Variants in MTSS1 observed in about 807,000 individuals in gnomAD.
The protein encoded by MTSS1 is MTSS I-BAR domain containing 1.
A neutral mutation model predicts 79.0 loss-of-function variants in MTSS1; 18 were observed. The observed-to-expected ratio is 0.23, with a 90% CI of 0.16 to 0.34. MTSS1 has a LOEUF of 0.34. Among genes scored for constraint, MTSS1 ranks in the 10% least tolerant of loss-of-function variants. The pLI is 1.00. For synonymous variants in MTSS1, 341 were observed against 368.6 expected, an observed-to-expected ratio of 0.93 and a Z score of 0.86; for missense variants, 815 against 986.2, an observed-to-expected ratio of 0.83 and a Z score of 2.33.
At chr8:124,627,503 T>C (rs1397943876) in intron 3 of MTSS1, among the ~76,000 whole-genome samples, 4 of 152,180 alleles carry the variant, frequency 2.6e-5, no homozygotes, top group Admixed American at 6.5e-5. Flanking sequence ...ACTAAGGCTA[T>C]CAGATTTCAA....
At position 124,664,326 on chromosome 8, in the gene MTSS1, C is replaced by T. The variant is rs141170441; in HGVS notation, c.208+35200G>A. On this transcript the variant is annotated intron_variant, in intron 3 of 13. Coordinates refer to ENST00000518547, the MANE Select transcript of MTSS1 (RefSeq NM_014751.6). The stretch of plus-strand genomic sequence containing the variant: ...GTGGCTATCTCCTTCCAGCGAGGCC[C>T]GTCTCTAGATAAATGCTCCTCTACC... 2.8e-3 allele frequency among the ~76,000 whole-genome samples: 434 copies of T among 152,282 alleles called. 4 individuals carry two copies. Among genetic ancestry groups the T allele is most frequent in the African/African-American group, 9.8e-3 (409 of 41,550 alleles).
intron 3 of MTSS1, among the ~76,000 whole-genome samples, chr8:124,672,165 G>A (rs890565433): frequency 6.6e-6 from 1 of 152,172 alleles, no homozygotes; most frequent in Non-Finnish European, 1.5e-5. Flanking sequence ...CAAAGACAGT[G>A]TTAACACATT....
At chr8:124,671,077 G>A (rs991960963) in intron 3 of MTSS1, among the ~76,000 whole-genome samples, 8 of 148,914 alleles carry the variant, frequency 5.4e-5, no homozygotes, top group African/African-American at 7.5e-5. Context: ...GCCTTTGCAT[G>A]CCAATGCCAA....
intron 3 of MTSS1, among the ~76,000 whole-genome samples, chr8:124,646,037 T>TA (rs1219942788): frequency 6.6e-6 from 1 of 152,232 alleles, no homozygotes; most frequent in East Asian, 1.9e-4. Context: ...AAACACACTT[T>TA]AAAAACACTT....
chr8:124,639,034 A>G (rs775830776), intron 3 of MTSS1, among the ~76,000 whole-genome samples: 3 of 152,210 alleles, frequency 2.0e-5, no homozygotes, highest in Non-Finnish European at 4.4e-5. Flanking sequence ...AAGGGGCTAA[A>G]TTAAAAAGGT....
chr8:124,701,414 G>T (rs1038992912), intron 2 of MTSS1, among the ~76,000 whole-genome samples: 1 of 151,964 alleles, frequency 6.6e-6, no homozygotes, highest in African/African-American at 2.4e-5. Context: ...TTTCCAGTAG[G>T]GCAAGAAAAC....
intron 12 of MTSS1, 72 bp downstream of exon 12, chr8:124,556,160 G>A (rs1354938641): frequency 1.2e-6 from 2 of 1,605,668 alleles, no homozygotes; most frequent in Admixed American, 1.7e-5. Context: ...TGGCCCCCCA[G>A]TTGCTGGCCA....
At chr8:124,591,261 G>A (rs758316584) in intron 3 of MTSS1, 26 bp from the exon 4 acceptor site, 2 of 1,594,828 alleles carry the variant, frequency 1.3e-6, no homozygotes, top group Non-Finnish European at 1.7e-6. Context: ...AGGCAAAGGT[G>A]AGGGATAGAA....
At chr8:124,590,145 G>A (rs1416043224) in intron 4 of MTSS1, among the ~76,000 whole-genome samples, 3 of 152,206 alleles carry the variant, frequency 2.0e-5, no homozygotes, top group Admixed American at 6.5e-5. Flanking sequence ...GAGAGCCACC[G>A]CGCCTGGCCC....
Position 124,727,905 on chromosome 8 carries a change from C to A in MTSS1, c.51G>T (p.Gln17His). Residue 17 changes from glutamine (Q) to histidine (H), a missense_variant, in exon 1 of 14, where the codon CAG (glutamine) becomes CAT (histidine). Physicochemically the swap from Gln to His is conservative, Grantham distance 24. Transcript: ENST00000518547. This position sits in a 1 kb window ranked among gnomAD's most constrained non-coding sequence, Gnocchi z 4.7. ...CTACCTTCATGTCGCTGATGATGGT[C>A]TGGAAGAGGCCTCCGAGCGCGCTGC... is the stretch of plus-strand genomic sequence containing the variant. ...KECSALGGLF[Q>H]TIISDMKGSY... The A allele has an allele frequency of 6.2e-7, 1 of 1,609,160 alleles. No individual in the cohort carries two copies. The highest frequency in any genetic ancestry group is 8.5e-7 in the Non-Finnish European group (1 of 1,178,340).
At chr8:124,621,168 G>A (rs915342417) in intron 3 of MTSS1, among the ~76,000 whole-genome samples, 1 of 152,110 alleles carries the variant, frequency 6.6e-6, no homozygotes, top group African/African-American at 2.4e-5. Flanking sequence ...TACTGCGATC[G>A]CCATGACTCT....
intron 1 of MTSS1, among the ~76,000 whole-genome samples, chr8:124,710,242 C>T (rs567664695): frequency 6.6e-6 from 1 of 152,302 alleles, no homozygotes; most frequent in East Asian, 1.9e-4. Flanking sequence ...ACCGGGGTGG[C>T]CTTCATTCAG....
chr8:124,578,196 C>G (rs1829341597), intron 6 of MTSS1, among the ~76,000 whole-genome samples: 1 of 152,046 alleles, frequency 6.6e-6, no homozygotes, highest in African/African-American at 2.4e-5. Context: ...GGCTGAGTAG[C>G]CAGGGGTCAC....
intron 3 of MTSS1, among the ~76,000 whole-genome samples, chr8:124,688,204 TGTGTGTATATATGC>T (rs1827301295): frequency 3.3e-5 from 5 of 152,074 alleles, no homozygotes; most frequent in Admixed American, 3.3e-4. Flanking sequence ...ATGTGTATGT[TGTGTGTATATATGC>T]GTGTGTATGT....
Position 124,728,436 on chromosome 8 carries a change from C to T in MTSS1, c.-481G>A, listed in dbSNP as rs1834041213. ...TGCTCGCAGCTGCGGCCGCCGCCTC[C>T]TTTTCACTCCTGCGCGCCCGGCCCC... On this transcript the variant is annotated 5_prime_UTR_variant, in exon 1 of 14. Transcript: ENST00000518547. This position sits in a 1 kb window ranked among gnomAD's most constrained non-coding sequence, Gnocchi z 6.1. The T allele has an allele frequency of 6.6e-6, 1 of 151,844 alleles. No individual in the cohort carries two copies. Among genetic ancestry groups the T allele is most frequent in the Non-Finnish European group, 1.5e-5 (1 of 67,946 alleles). 9.4% of individuals were successfully genotyped at this position (151,844 alleles called of 1,614,324 possible). A position where few individuals can be genotyped will look rare whatever the true frequency, so the allele number is the denominator to read the frequency against.
rs150934652 is a variant in MTSS1, at chr8:124,597,011, C to T, written c.209-5776G>A. Among the ~76,000 whole-genome samples the T allele has an allele frequency of 5.5e-4, 84 of 152,186 alleles. 2 individuals carry two copies. In the East Asian group the frequency reaches 0.013, roughly 23 times the overall value. On this transcript the variant is annotated intron_variant, in intron 3 of 13. Coordinates refer to ENST00000518547, the MANE Select transcript of MTSS1 (RefSeq NM_014751.6). The surrounding 1 kb of genome is among the most constrained non-coding windows in gnomAD (Gnocchi z 4.6). ...GTGTCCAAATGGTCACATTCCCGGG[C>T]GCCAGGGATTAGGACATCAACCTAT...
At chr8:124,642,616 G>A (rs1283592352) in intron 3 of MTSS1, among the ~76,000 whole-genome samples, 1 of 151,792 alleles carries the variant, frequency 6.6e-6, no homozygotes, top group Non-Finnish European at 1.5e-5. Context: ...TTTTGGAGAT[G>A]AGTTTCACTC....
At chr8:124,558,955 G>A in intron 10 of MTSS1, 1 of 1,308,754 alleles carries the variant, frequency 7.6e-7, no homozygotes, top group Non-Finnish European at 1.0e-6. Flanking sequence ...GAGAGAAAGA[G>A]ACAGACATAT....
intron 3 of MTSS1, among the ~76,000 whole-genome samples, chr8:124,667,377 G>A (rs571278250): frequency 6.6e-6 from 1 of 152,356 alleles, no homozygotes; most frequent in Admixed American, 6.5e-5. Flanking sequence ...GGGCGTGGTG[G>A]CTCATGCCTG....
Sources: gnomAD v4.1 joint callset for allele counts (sites outside exome capture counted in the v4.1 genomes callset) on GRCh38, gnomAD v4.1.1 for gene constraint, Gnocchi (gnomAD v3.1) non-coding constraint, MANE v1.5 for transcripts, NCBI Gene and HGNC (gene_info 2026-07-23, HGNC 2026-07-21) for gene names.